PMEL: variants seen among roughly 807,000 people sequenced by gnomAD.
The protein encoded by PMEL is melanocyte protein PMEL.
In PMEL, 53 loss-of-function variants were observed where a neutral mutation model predicts 64.9. That is an observed-to-expected ratio of 0.82 (90% CI 0.66 to 1.03). The LOEUF is 1.03. Among genes scored for constraint, PMEL ranks in the 50% least tolerant of loss-of-function variants. The pLI, the probability that PMEL is intolerant of heterozygous loss-of-function variation, is 0.00. For missense variants in PMEL, 716 were observed against 814.9 expected (o/e 0.88, Z 1.48); for synonymous variants, 299 against 316.2 (o/e 0.95, Z 0.58).
chr12:55,958,228 G>T (rs1033874159), intron 4 of PMEL, 144 bp from the exon 5 acceptor site: 3 of 889,982 alleles, frequency 3.4e-6, no homozygotes, highest in Non-Finnish European at 5.1e-6. Flanking sequence ...GATATGGGGG[G>T]ACAGGGAAGG....
At chr12:55,964,778 A>G (rs895550651) in intron 1 of PMEL, among the ~76,000 whole-genome samples, 1 of 151,572 alleles carries the variant, frequency 6.6e-6, no homozygotes, top group African/African-American at 2.4e-5. Context: ...GGTGCGTACC[A>G]CCATGCCCAG....
upstream of PMEL, chr12:55,966,066 T>C (rs1480914058): frequency 2.5e-6 from 4 of 1,613,536 alleles, no homozygotes; most frequent in Admixed American, 1.7e-5. Context: ...TAGGCCCCTA[T>C]ATAAGAAAAG....
At chr12:55,959,666 G>C (rs907775362) in intron 3 of PMEL, among the ~76,000 whole-genome samples, 1 of 152,012 alleles carries the variant, frequency 6.6e-6, no homozygotes, top group Admixed American at 6.6e-5. Context: ...TTAGCCAGGC[G>C]TGCTGGCGGA....
At position 55,957,983 on chromosome 12, in the gene PMEL, G is replaced by A. The variant is rs1403752410; in HGVS notation, c.571C>T (p.Arg191Cys). Residue 191 changes from arginine to cysteine, a missense_variant, in exon 5 of 11, where the codon CGC becomes TGC. Physicochemically the swap from Arg to Cys is radical, Grantham distance 180. Coordinates refer to ENST00000548747, the MANE Select transcript of PMEL (RefSeq NM_001384361.1). ...THTMEVTVYH[R>C]RGSRSYVPLA... is the part of the protein sequence containing the mutation. ...GGCACATAGCTCCGGGATCCCCGGC[G>A]ATGGTAGACAGTCACTTCCATGGTG... 6.8e-6 allele frequency: 11 copies of A among 1,614,194 alleles called. No homozygotes were observed. The highest frequency in any genetic ancestry group is 4.0e-5 in the African/African-American group (3 of 75,052).
At position 55,957,106 on chromosome 12, in the gene PMEL, A is replaced by G. The variant is rs769024863; in HGVS notation, c.1197T>C (p.Gly399=). The G allele has an allele frequency of 6.2e-7, 1 of 1,614,122 alleles. No homozygotes were observed. The highest frequency in any genetic ancestry group is 8.5e-7 in the Non-Finnish European group (1 of 1,180,000). The change falls in exon 6 of 11, where the codon GGT becomes GGC. Residue 399 remains glycine (G), a synonymous_variant. Coordinates refer to ENST00000548747, the MANE Select transcript of PMEL (RefSeq NM_001384361.1). ...LAEMSTPEAT[G]MTPAEVSIVV... ...CAATTGATACCTCTGCAGGTGTCAT[A>G]CCTGTAGCCTCTGGAGTTGACATCT... is the stretch of plus-strand genomic sequence containing the variant.
intron 3 of PMEL, among the ~76,000 whole-genome samples, chr12:55,960,174 GC>G (rs1429877725): frequency 7.2e-6 from 1 of 139,784 alleles, no homozygotes; most frequent in Non-Finnish European, 1.5e-5. Context: ...TCCTGCCACT[GC>G]ACTCCAGCCT....
rs776935977 is a variant in PMEL at position 55,957,647 on chromosome 12, A to G, written c.656T>C (p.Val219Ala). 1.2e-6 allele frequency: 2 copies of G among 1,612,272 alleles called. No homozygotes were observed. Among genetic ancestry groups the G allele is most frequent in the Non-Finnish European group, 1.7e-6 (2 of 1,179,222 alleles). Residue 219 changes from valine (V) to alanine (A), a missense_variant, in exon 6 of 11, where the codon GTG (valine) becomes GCG (alanine). By Grantham distance (64) the Val-to-Ala change is moderately conservative (BLOSUM62 0). Transcript: ENST00000548747. The stretch of plus-strand genomic sequence containing the variant: ...TCCATCCAAGGCCCGCAACTGGGAC[A>G]CGCTCACGGAGAAAGGCACCTGGTC... ...ITDQVPFSVSVSQLRALDGGN... is the reference protein window; with the variant it reads ...ITDQVPFSVSASQLRALDGGN...
rs1219835606 is a variant in PMEL at position 55,958,599 on chromosome 12, C to A, written c.343G>T (p.Val115Leu). Residue 115 changes from valine (V) to leucine (L), a missense_variant, in exon 4 of 11, where the codon GTG becomes TTG. By Grantham distance (32) the Val-to-Leu change is conservative. Coordinates refer to ENST00000548747, the MANE Select transcript of PMEL (RefSeq NM_001384361.1). Reference protein sequence around the residue: ...VNNTIINGSQVWGGQPVYPQE... With the variant: ...VNNTIINGSQLWGGQPVYPQE... ...GGATACACTGGCTGTCCTCCCCACA[C>A]CTGGCTCCCTGAAAGATAAATACAG... 6.2e-7 allele frequency: 1 copy of A among 1,613,496 alleles called. No homozygotes were observed. Among genetic ancestry groups the A allele is most frequent in the Non-Finnish European group, 8.5e-7 (1 of 1,179,800 alleles).
chr12:55,961,060 C>T (rs958260617), intron 3 of PMEL: 78 of 351,812 alleles, frequency 2.2e-4, no homozygotes, highest in African/African-American at 1.5e-3. Context: ...AAAAAATTAG[C>T]CGGTCATGGT....
At chr12:55,955,143 C>G (rs1489141904) in intron 10 of PMEL, 131 bp downstream of exon 10, 1 of 773,096 alleles carries the variant, frequency 1.3e-6, no homozygotes, top group East Asian at 2.4e-5. Flanking sequence ...GTCTGTCTAA[C>G]TTAAAAGCCT....
chr12:55,958,193 C>T lies in PMEL; in HGVS notation c.470-109G>A, dbSNP rs79058024. Reference sequence around the variant, plus strand: ...GATGGGAGGTCAGGAAGTATGATTACTTCTGAGGGTGTTTGGAAGGCTGTG... The same window carrying T: ...GATGGGAGGTCAGGAAGTATGATTATTTCTGAGGGTGTTTGGAAGGCTGTG... On this transcript the variant is annotated intron_variant, in intron 4 of 10. Coordinates refer to ENST00000548747, the MANE Select transcript of PMEL (RefSeq NM_001384361.1). 8.1e-4 allele frequency: 946 copies of T among 1,172,008 alleles called. 5 individuals carry two copies. The African/African-American group carries it at 0.014, about 17-fold the overall frequency. 72.6% of individuals were successfully genotyped at this position (1,172,008 alleles called of 1,614,324 possible).
chr12:55,961,528 C>T, intron 2 of PMEL, 65 bp from the exon 3 acceptor site: 1 of 1,601,858 alleles, frequency 6.2e-7, no homozygotes, highest in Middle Eastern at 1.8e-4. Context: ...GTTTCCCCTC[C>T]TTTTCTTCCC....
intron 4 of PMEL, 172 bp downstream of exon 4, chr12:55,958,301 A>C: frequency 1.3e-6 from 1 of 794,430 alleles, no homozygotes; most frequent in Non-Finnish European, 2.0e-6. Flanking sequence ...AGAAAGAATT[A>C]TGATAGAGTT....
Position 55,957,306 on chromosome 12 carries a change from C to A in PMEL, c.997G>T (p.Val333Leu). ...TAGQVPTTEV[V>L]GTTPGQAPTA... ...GGCGCCTGACCAGGTGTAGTACCCACAACTTCTGTAGTAGGCACTTGGCCA... is the reference window on the plus strand; with the variant it reads ...GGCGCCTGACCAGGTGTAGTACCCAAAACTTCTGTAGTAGGCACTTGGCCA... The change falls in exon 6 of 11, where the codon GTG (valine) becomes TTG (leucine). Residue 333 changes from valine (V) to leucine (L), a missense_variant. Transcript: ENST00000548747. 1.2e-6 allele frequency: 2 copies of A among 1,608,102 alleles called. No individual in the cohort carries two copies. Among genetic ancestry groups the A allele is most frequent in the Non-Finnish European group, 1.7e-6 (2 of 1,175,946 alleles).
At chr12:55,964,729 G>T (rs1000476732) in intron 1 of PMEL, among the ~76,000 whole-genome samples, 1 of 151,798 alleles carries the variant, frequency 6.6e-6, no homozygotes. Flanking sequence ...AGGTTCAAGC[G>T]ATTCTCATGC....
chr12:55,961,241 G>A, intron 3 of PMEL, 76 bp downstream of exon 3: 3 of 1,313,548 alleles, frequency 2.3e-6, no homozygotes, highest in Non-Finnish European at 3.3e-6. Flanking sequence ...GAAGGAAGGG[G>A]CATTCCCTGA....
At position 55,956,847 on chromosome 12, in the gene PMEL, T is replaced by G; in HGVS notation, c.1354+102A>C. The G allele has an allele frequency of 3.1e-6, 4 of 1,289,260 alleles. No individual in the cohort carries two copies. The East Asian group carries it at 9.3e-5, about 30-fold the overall frequency. The allele number at this position is 1,289,260 out of a possible 1,614,324, so 79.9% of individuals were successfully genotyped here. ...AGTGAGAACTCTGAGGGGACCATAG[T>G]GCTAAGCAAAGGATTGGGTAACATC... On this transcript the variant is annotated intron_variant, in intron 6 of 10. Coordinates refer to ENST00000548747, the MANE Select transcript of PMEL (RefSeq NM_001384361.1).
intron 3 of PMEL, among the ~76,000 whole-genome samples, chr12:55,960,528 T>C (rs1592771600): frequency 1.3e-5 from 2 of 148,922 alleles, no homozygotes; most frequent in Admixed American, 1.3e-4. Context: ...TCTTTTCTTT[T>C]TGCTTTCTGT....
chr12:55,956,839 G>T, intron 6 of PMEL, 110 bp downstream of exon 6: 1 of 1,173,986 alleles, frequency 8.5e-7, no homozygotes, highest in Non-Finnish European at 1.2e-6. Flanking sequence ...ACTCTGAGGG[G>T]ACCATAGTGC....
Sources: allele counts gnomAD v4.1 joint callset (sites outside exome capture counted in the v4.1 genomes callset), GRCh38; gene constraint gnomAD v4.1.1; transcripts MANE v1.5; gene names NCBI Gene and HGNC (gene_info 2026-07-23, HGNC 2026-07-21).